The following SPIRE1 variants were observed in gnomAD, a reference collection of about 807,000 sequenced individuals.
The protein encoded by SPIRE1 is spire type actin nucleation factor 1.
In SPIRE1, 40 loss-of-function variants were observed where a neutral mutation model predicts 94.1. The ratio of observed to expected loss-of-function variants is 0.43; its 90% confidence interval spans 0.33 to 0.55. SPIRE1 has a LOEUF of 0.55. SPIRE1 is among the 20% of genes least tolerant of loss of function. SPIRE1 has a pLI of 0.06. For missense variants in SPIRE1, 838 were observed against 975.2 expected, an observed-to-expected ratio of 0.86 and a Z score of 1.87; for synonymous variants, 376 against 371.7, an observed-to-expected ratio of 1.01 and a Z score of -0.13.
intron 2 of SPIRE1, among the ~76,000 whole-genome samples, chr18:12,607,765 A>G (rs981679519): frequency 6.6e-6 from 1 of 152,214 alleles, no homozygotes; most frequent in Non-Finnish European, 1.5e-5. Flanking sequence ...ATGTGTTTAT[A>G]ACACAAATAA....
chr18:12,485,320 T>C (rs2032997987), intron 9 of SPIRE1, among the ~76,000 whole-genome samples: 1 of 152,138 alleles, frequency 6.6e-6, no homozygotes, highest in Non-Finnish European at 1.5e-5. Context: ...TTAGCCAGGA[T>C]GGTCTCCATC....
At chr18:12,514,370 C>G (rs1454511077) in intron 4 of SPIRE1, among the ~76,000 whole-genome samples, 1 of 152,158 alleles carries the variant, frequency 6.6e-6, no homozygotes. Context: ...CTCTTCCTAC[C>G]TTTTAGTGGT....
At chr18:12,647,943 C>G (rs534672193) in intron 1 of SPIRE1, among the ~76,000 whole-genome samples, 1 of 152,128 alleles carries the variant, frequency 6.6e-6, no homozygotes, top group East Asian at 1.9e-4. Context: ...AGGACGTGCT[C>G]CACCAGACAG....
chr18:12,657,688 GC>G lies in SPIRE1; in HGVS notation c.178del (p.Ala60ProfsTer82). ...GGAACCGCAGCACTGGTAGCACACG[GC>G]CCACGCCTGCTCCTCGTTGATGGGC... is the stretch of plus-strand genomic sequence containing the variant. ...NQPINEEQAW[A>X]VCYQCCGSLR... On this transcript the variant is annotated frameshift_variant, in exon 1 of 17. Coordinates refer to ENST00000409402, the MANE Select transcript of SPIRE1 (RefSeq NM_001128626.2). LOFTEE classifies it high-confidence loss of function. 1 of 1,403,394 alleles carries G rather than the reference GC, an allele frequency of 7.1e-7. No homozygotes were observed. The allele number at this position is 1,403,394 out of a possible 1,614,324, so 86.9% of individuals were successfully genotyped here. A position where few individuals can be genotyped will look rare whatever the true frequency, so the allele number is the denominator to read the frequency against.
intron 1 of SPIRE1, among the ~76,000 whole-genome samples, chr18:12,641,557 C>T (rs1053995014): frequency 6.6e-6 from 1 of 151,014 alleles, no homozygotes; most frequent in Non-Finnish European, 1.5e-5. Flanking sequence ...TTAGTAGAGA[C>T]GGGGTTTCAC....
intron 2 of SPIRE1, among the ~76,000 whole-genome samples, chr18:12,625,792 C>T (rs961762514): frequency 6.6e-6 from 1 of 152,184 alleles, no homozygotes; most frequent in African/African-American, 2.4e-5. Context: ...CCTGTAATCC[C>T]AGCACTTTGG....
chr18:12,644,797 T>G (rs1272217282), intron 1 of SPIRE1, among the ~76,000 whole-genome samples: 1 of 152,232 alleles, frequency 6.6e-6, no homozygotes, highest in Non-Finnish European at 1.5e-5. Context: ...AGTATTCATC[T>G]TTTTACAAAG....
intron 6 of SPIRE1, among the ~76,000 whole-genome samples, chr18:12,497,511 C>T (rs980788016): frequency 3.9e-5 from 6 of 152,130 alleles, no homozygotes; most frequent in Non-Finnish European, 7.4e-5. Context: ...TGTGGCAAGC[C>T]TGCTGGGGCC....
At chr18:12,491,916 G>C (rs2033247070) in intron 8 of SPIRE1, among the ~76,000 whole-genome samples, 1 of 152,176 alleles carries the variant, frequency 6.6e-6, no homozygotes, top group Non-Finnish European at 1.5e-5. Flanking sequence ...AAATCAACAG[G>C]GGTTGGCCAT....
At chr18:12,494,665 T>TTA (rs2033376105) in intron 7 of SPIRE1, among the ~76,000 whole-genome samples, 1 of 137,754 alleles carries the variant, frequency 7.3e-6, no homozygotes, top group Non-Finnish European at 1.6e-5. Context: ...CCGTCTCTAC[T>TTA]AAAAAAAAAA....
chr18:12,605,744 C>T (rs895714155), intron 2 of SPIRE1, among the ~76,000 whole-genome samples: 3 of 152,166 alleles, frequency 2.0e-5, no homozygotes, highest in Non-Finnish European at 2.9e-5. Context: ...GAATTAAATA[C>T]GTAATGGTAC....
chr18:12,481,836 G>C lies in SPIRE1; in HGVS notation c.1232-1965C>G, dbSNP rs145447036. On this transcript the variant is annotated intron_variant, in intron 9 of 16. Transcript: ENST00000409402. ...AAATAGAATTGTTGATATTTTGTAG[G>C]AATCTTCTAAAAGGAGATATAATGA... 1.1e-3 allele frequency among the ~76,000 whole-genome samples: 170 copies of C among 152,190 alleles called. 1 individual carries two copies. Among genetic ancestry groups the C allele is most frequent in the East Asian group, 6.2e-3 (32 of 5,182 alleles).
In SPIRE1 at chr18:12,448,745, T is replaced by A. The variant is rs1049610396; in HGVS notation, c.*893A>T. On this transcript the variant is annotated 3_prime_UTR_variant, in exon 17 of 17. Transcript: ENST00000409402. The surrounding 1 kb of genome is among the most constrained non-coding windows in gnomAD (Gnocchi z 4.4). ...TATGAAAAATGTAGCTGAAAACCCA[T>A]GAGCTCCAGCTCATTTCTGCAGCGT... is the stretch of plus-strand genomic sequence containing the variant. 23 of 152,354 alleles carry A rather than the reference T, an allele frequency of 1.5e-4. No individual in the cohort carries two copies. Among genetic ancestry groups the A allele is most frequent in the African/African-American group, 5.5e-4 (23 of 41,586 alleles). The allele number at this position is 152,354 out of a possible 1,614,324, so 9.4% of individuals were successfully genotyped here. A position where few individuals can be genotyped will look rare whatever the true frequency, so the allele number is the denominator to read the frequency against.
intron 8 of SPIRE1, among the ~76,000 whole-genome samples, chr18:12,492,458 T>C (rs1333228061): frequency 6.6e-6 from 1 of 152,088 alleles, no homozygotes; most frequent in African/African-American, 2.4e-5. Context: ...CACTAAAAAA[T>C]AAAAAATAAT....
chr18:12,472,170 AG>A (rs2032387665), intron 10 of SPIRE1, among the ~76,000 whole-genome samples: 1 of 152,070 alleles, frequency 6.6e-6, no homozygotes, highest in Non-Finnish European at 1.5e-5. Flanking sequence ...AGTCTAACAG[AG>A]GCTGGGCATG....
At chr18:12,460,643 C>T (rs929109661) in intron 12 of SPIRE1, among the ~76,000 whole-genome samples, 3 of 150,894 alleles carry the variant, frequency 2.0e-5, no homozygotes, top group African/African-American at 2.4e-5. Context: ...ATCCGGGAGG[C>T]GGAGGTTGTG....
Position 12,463,166 on chromosome 18 carries a change from T to A in SPIRE1, c.1638+185A>T, listed in dbSNP as rs141092729. Among the ~76,000 whole-genome samples, 494 of 152,300 alleles carry A rather than the reference T, an allele frequency of 3.2e-3. 1 individual carries two copies. The highest frequency in any genetic ancestry group is 0.011 in the African/African-American group (463 of 41,570). ...ATCCTCCCACCTTGGCCTCCCAAAG[T>A]GTTAGGATTATAGGCACGAGCCACC... On this transcript the variant is annotated intron_variant, in intron 12 of 16. Coordinates refer to ENST00000409402, the MANE Select transcript of SPIRE1 (RefSeq NM_001128626.2).
At chr18:12,636,542 A>G (rs2037934402) in intron 1 of SPIRE1, among the ~76,000 whole-genome samples, 1 of 152,082 alleles carries the variant, frequency 6.6e-6, no homozygotes, top group South Asian at 2.1e-4. Flanking sequence ...ATGAAAAAAT[A>G]AAAGAAGACA....
chr18:12,598,465 T>C lies in SPIRE1; in HGVS notation c.372+36597A>G, dbSNP rs534141602. Among the ~76,000 whole-genome samples, 43 of 152,248 alleles carry C rather than the reference T, an allele frequency of 2.8e-4. No homozygotes were observed. The East Asian group carries it at 7.3e-3, about 26-fold the overall frequency. On this transcript the variant is annotated intron_variant, in intron 2 of 16. Transcript: ENST00000409402. Reference sequence around the variant, plus strand: ...GCCACTGTTTACACTGTTTTTTTTTTCCCTAGTAACAGTGAAACTTCACCA... The same window carrying C: ...GCCACTGTTTACACTGTTTTTTTTTCCCCTAGTAACAGTGAAACTTCACCA...
Sources: gnomAD v4.1 joint callset for allele counts (sites outside exome capture counted in the v4.1 genomes callset) on GRCh38, gnomAD v4.1.1 for gene constraint, Gnocchi (gnomAD v3.1) non-coding constraint, MANE v1.5 for transcripts, NCBI Gene and HGNC (gene_info 2026-07-23, HGNC 2026-07-21) for gene names.